Variants in ELAPOR1 observed in about 807,000 individuals in gnomAD.
ELAPOR1 encodes endosome/lysosome-associated apoptosis and autophagy regulator 1.
In ELAPOR1, 77 loss-of-function variants were observed where a neutral mutation model predicts 119.7. The observed-to-expected ratio is 0.64, with a 90% CI of 0.54 to 0.78. The LOEUF (loss-of-function observed/expected upper bound fraction) is 0.78, where lower values mean the gene tolerates loss of function less well. Among genes scored for constraint, ELAPOR1 ranks in the 30% least tolerant of loss-of-function variants. The pLI, the probability that ELAPOR1 is intolerant of heterozygous loss-of-function variation, is 0.00. For missense variants in ELAPOR1, 1,115 were observed against 1,270.4 expected, an observed-to-expected ratio of 0.88 and a Z score of 1.86; for synonymous variants, 481 against 487.2, an observed-to-expected ratio of 0.99 and a Z score of 0.17.
At chr1:109,172,918 A>G (rs1244924903) in intron 5 of ELAPOR1, among the ~76,000 whole-genome samples, 2 of 151,990 alleles carry the variant, frequency 1.3e-5, no homozygotes, top group Admixed American at 6.6e-5. Flanking sequence ...AACATGGAGA[A>G]ACCCCATCTC....
At chr1:109,129,423 A>C (rs1200936219) in intron 1 of ELAPOR1, among the ~76,000 whole-genome samples, 1 of 152,194 alleles carries the variant, frequency 6.6e-6, no homozygotes, top group Non-Finnish European at 1.5e-5. Context: ...GGCAGGATTC[A>C]CTAGCTTGAA....
intron 7 of ELAPOR1, among the ~76,000 whole-genome samples, chr1:109,179,493 G>A (rs1467680496): frequency 6.6e-6 from 1 of 152,052 alleles, no homozygotes; most frequent in African/African-American, 2.4e-5. Flanking sequence ...CTGGAGATTA[G>A]GTGGCGAGAA....
chr1:109,136,602 T>C (rs1649488592), intron 1 of ELAPOR1, among the ~76,000 whole-genome samples: 2 of 152,136 alleles, frequency 1.3e-5, no homozygotes, highest in Non-Finnish European at 1.5e-5. Flanking sequence ...CAGGGCACAT[T>C]GAGGAGAGGT....
At chr1:109,199,726 C>A in intron 18 of ELAPOR1, 128 bp from the exon 19 acceptor site, 2 of 1,095,146 alleles carry the variant, frequency 1.8e-6, no homozygotes, top group South Asian at 1.5e-5. Flanking sequence ...TTGGAAGGAT[C>A]CTGGTAGGGC....
At chr1:109,122,685 A>G (rs912530042) in intron 1 of ELAPOR1, among the ~76,000 whole-genome samples, 1 of 151,822 alleles carries the variant, frequency 6.6e-6, no homozygotes, top group African/African-American at 2.4e-5. Flanking sequence ...GACTGGGTGC[A>G]GTGGCTGACA....
chr1:109,119,528 T>C (rs1293366972), intron 1 of ELAPOR1, among the ~76,000 whole-genome samples: 1 of 151,920 alleles, frequency 6.6e-6, no homozygotes, highest in Non-Finnish European at 1.5e-5. Flanking sequence ...TAAACAATCT[T>C]ATTTAGATCT....
intron 14 of ELAPOR1, 94 bp from the exon 15 acceptor site, chr1:109,194,327 C>A: frequency 8.9e-7 from 1 of 1,123,742 alleles, no homozygotes; most frequent in Non-Finnish European, 1.3e-6. Context: ...CCCATTTGGG[C>A]GGGACCAGAC....
At position 109,177,492 on chromosome 1, in the gene ELAPOR1, A is replaced by G. The variant is rs186091148; in HGVS notation, c.952+3655A>G. On this transcript the variant is annotated intron_variant, in intron 7 of 21. Coordinates refer to ENST00000369939, the MANE Select transcript of ELAPOR1 (RefSeq NM_020775.5). Reference sequence around the variant, plus strand: ...GGCAGAGACGCTCCTCACTTCCCAGATGGGATGGCGGCCGGGAAGAGGCGC... The same window carrying G: ...GGCAGAGACGCTCCTCACTTCCCAGGTGGGATGGCGGCCGGGAAGAGGCGC... 6.2e-3 allele frequency among the ~76,000 whole-genome samples: 672 copies of G among 108,908 alleles called. 2 individuals are homozygous for G. Among genetic ancestry groups the G allele is most frequent in the African/African-American group, 0.027 (618 of 23,302 alleles). 71.4% of individuals were successfully genotyped at this position (108,908 alleles called of 152,430 possible).
intron 8 of ELAPOR1, chr1:109,186,962 C>T (rs1254056470): frequency 3.0e-6 from 3 of 985,440 alleles, no homozygotes; most frequent in African/African-American, 3.5e-5. Flanking sequence ...AGGAGGAGCA[C>T]TGAAGCGTGT....
chr1:109,132,151 C>T (rs1649187541), intron 1 of ELAPOR1, among the ~76,000 whole-genome samples: 1 of 151,856 alleles, frequency 6.6e-6, no homozygotes. Context: ...GCAGACCAAC[C>T]AGGCTTTTTT....
chr1:109,157,395 C>G (rs1336391389), intron 1 of ELAPOR1, among the ~76,000 whole-genome samples: 51 of 152,234 alleles, frequency 3.4e-4, no homozygotes, highest in Non-Finnish European at 5.9e-5. Flanking sequence ...GTGTGATGTG[C>G]TTGACCTACA....
At chr1:109,197,914 A>T in intron 16 of ELAPOR1, 65 bp from the exon 17 acceptor site, 1 of 1,361,166 alleles carries the variant, frequency 7.3e-7, no homozygotes. Flanking sequence ...CAGGTATTGG[A>T]AGAATTGAAG....
intron 1 of ELAPOR1, among the ~76,000 whole-genome samples, chr1:109,124,214 T>A (rs1648630949): frequency 6.6e-6 from 1 of 152,138 alleles, no homozygotes; most frequent in South Asian, 2.1e-4. Flanking sequence ...TAAATATAGG[T>A]CTACATCATC....
intron 1 of ELAPOR1, among the ~76,000 whole-genome samples, chr1:109,144,448 A>G (rs1650053291): frequency 6.6e-6 from 1 of 152,152 alleles, no homozygotes; most frequent in African/African-American, 2.4e-5. Flanking sequence ...TTTCTTAGAA[A>G]TAGAATTCTA....
intron 1 of ELAPOR1, among the ~76,000 whole-genome samples, chr1:109,122,331 G>A (rs946672205): frequency 2.7e-5 from 4 of 147,578 alleles, no homozygotes; most frequent in Non-Finnish European, 5.9e-5. Flanking sequence ...GAGCCACTGT[G>A]CCCAGCTTCA....
intron 16 of ELAPOR1, 126 bp from the exon 17 acceptor site, chr1:109,197,853 T>A: frequency 9.8e-7 from 1 of 1,021,424 alleles, no homozygotes. Flanking sequence ...TGTTTCACCC[T>A]TTCATAAGCC....
At chr1:109,171,736 T>A in intron 3 of ELAPOR1, 130 bp from the exon 4 acceptor site, 1 of 961,626 alleles carries the variant, frequency 1.0e-6, no homozygotes. Flanking sequence ...CATTTTCAGG[T>A]CCAAGTTTCA....
At chr1:109,163,051 G>A (rs757215834) in intron 2 of ELAPOR1, among the ~76,000 whole-genome samples, 34 of 152,238 alleles carry the variant, frequency 2.2e-4, no homozygotes, top group Non-Finnish European at 7.3e-5. Context: ...CCAGAGGAGC[G>A]CAGAGCCTAG....
At chr1:109,196,704 G>T (rs529566727) in intron 15 of ELAPOR1, among the ~76,000 whole-genome samples, 11 of 147,220 alleles carry the variant, frequency 7.5e-5, no homozygotes, top group Admixed American at 2.0e-4. Flanking sequence ...TTTTTTTTGA[G>T]GTGGAGTCTC....
Sources: allele counts gnomAD v4.1 joint callset (sites outside exome capture counted in the v4.1 genomes callset), GRCh38; gene constraint gnomAD v4.1.1; transcripts MANE v1.5; gene names NCBI Gene and HGNC (gene_info 2026-07-23, HGNC 2026-07-21).